Variants in ADGRG6 observed in about 807,000 individuals in gnomAD.
ADGRG6 encodes the protein adhesion G protein-coupled receptor G6, also known as G-protein coupled receptor 126.
ADGRG6 carries 84 observed loss-of-function variants against 142.4 expected under a neutral mutation model. The observed-to-expected ratio is 0.59, with a 90% CI of 0.49 to 0.71. The LOEUF (loss-of-function observed/expected upper bound fraction) is 0.71, where lower values mean the gene tolerates loss of function less well. Ranked by LOEUF, ADGRG6 falls within the 30% of genes least tolerant of loss-of-function variation. The pLI, the probability that ADGRG6 is intolerant of heterozygous loss-of-function variation, is 0.00. For missense variants in ADGRG6, 1,367 were observed against 1,466.6 expected (o/e 0.93, Z 1.11); for synonymous variants, 521 against 520.5 (o/e 1.00, Z -0.01).
At chr6:142,435,449 A>G (rs1582691009) in intron 22 of ADGRG6, among the ~76,000 whole-genome samples, 1 of 152,100 alleles carries the variant, frequency 6.6e-6, no homozygotes, top group East Asian at 1.9e-4. Context: ...TTTTCCTTAA[A>G]TATGTTTTCT....
Position 142,402,737 on chromosome 6 carries a change from A to T in ADGRG6, c.1862A>T (p.Glu621Val), listed in dbSNP as rs763739669. 1 of 1,600,282 alleles carries T rather than the reference A, an allele frequency of 6.2e-7. No individual in the cohort carries two copies. The highest frequency in any genetic ancestry group is 1.1e-5 in the South Asian group (1 of 90,750). ...EQVKRIVNKE[E>V]NIDITLGSTL... Reference sequence around the variant, plus strand: ...GTCAAAAGAATTGTGAATAAAGAAGAAAACATTGATATAACACTTGGCTCA... The same window carrying T: ...GTCAAAAGAATTGTGAATAAAGAAGTAAACATTGATATAACACTTGGCTCA... The change falls in exon 13 of 25, where the codon GAA (glutamate) becomes GTA (valine). Residue 621 changes from glutamate (E) to valine (V), a missense_variant. Glu to Val is a moderately radical substitution (Grantham distance 121, BLOSUM62 -2). This residue lies in a region of ADGRG6 where 737 missense variants were observed against 746.5 expected (regional missense o/e 0.99). Coordinates refer to ENST00000367609, the MANE Select transcript of ADGRG6 (RefSeq NM_198569.3).
intron 22 of ADGRG6, among the ~76,000 whole-genome samples, chr6:142,424,713 T>G (rs1226948176): frequency 6.6e-6 from 1 of 152,104 alleles, no homozygotes; most frequent in East Asian, 1.9e-4. Flanking sequence ...ATTCCCTCTT[T>G]TTCTATTGAT....
chr6:142,376,487 C>T (rs1276360553), intron 4 of ADGRG6, among the ~76,000 whole-genome samples: 1 of 152,078 alleles, frequency 6.6e-6, no homozygotes, highest in African/African-American at 2.4e-5. Context: ...ATTTTTGTTT[C>T]CCTCTCTAGG....
At chr6:142,345,620 T>C (rs572341563) in intron 2 of ADGRG6, among the ~76,000 whole-genome samples, 3 of 152,270 alleles carry the variant, frequency 2.0e-5, no homozygotes, top group East Asian at 1.9e-4. Context: ...CCTAACAGCA[T>C]GTAGTGAATA....
rs371657476 is a variant in ADGRG6, at chr6:142,437,428, T to C, written c.3320-6T>C. On this transcript the variant is annotated splice_region_variant and splice_polypyrimidine_tract_variant and intron_variant, in intron 22 of 24. Coordinates refer to ENST00000367609, the MANE Select transcript of ADGRG6 (RefSeq NM_198569.3). ...GCTTAAATATTTATATTTTCTTTTG[T>C]CACAGGCTTATTTATATTCATCTTC... 2.2e-6 allele frequency: 3 copies of C among 1,355,974 alleles called. No individual in the cohort carries two copies. In the African/African-American group the frequency reaches 4.3e-5, roughly 19 times the overall value. The allele number at this position is 1,355,974 out of a possible 1,614,324, so 84.0% of individuals were successfully genotyped here.
Position 142,405,775 on chromosome 6 carries a change from G to GTATTA in ADGRG6, c.2216_2220dup (p.Val741TyrfsTer2). 6.2e-7 allele frequency: 1 copy of GTATTA among 1,607,132 alleles called. No homozygotes were observed. The highest frequency in any genetic ancestry group is 8.5e-7 in the Non-Finnish European group (1 of 1,174,782). ...TGAGAATTTAAGTCCAGAAGATTCT[G>GTATTA]TATTAGTTAGAAGAGCACAGTTTAC... On this transcript the variant is annotated frameshift_variant, in exon 15 of 25. Transcript: ENST00000367609. LOFTEE classifies it high-confidence loss of function.
At chr6:142,316,985 A>G (rs1186904477) in intron 2 of ADGRG6, among the ~76,000 whole-genome samples, 1 of 152,114 alleles carries the variant, frequency 6.6e-6, no homozygotes, top group Non-Finnish European at 1.5e-5. Flanking sequence ...TTAGAATGGT[A>G]ACCTGAAAAT....
At chr6:142,412,565 G>A (rs944543068) in intron 18 of ADGRG6, among the ~76,000 whole-genome samples, 6 of 152,056 alleles carry the variant, frequency 3.9e-5, no homozygotes, top group Non-Finnish European at 8.8e-5. Context: ...CAGAATAAGA[G>A]CAAGTCATTT....
In ADGRG6 at chr6:142,445,301, G is replaced by A. The variant is rs1777927481; in HGVS notation, c.*1786G>A. On this transcript the variant is annotated 3_prime_UTR_variant, in exon 25 of 25. Coordinates refer to ENST00000367609, the MANE Select transcript of ADGRG6 (RefSeq NM_198569.3). ...ATTCTAAGTAAGATAGTAAATCTAA[G>A]GTCACTGAGCCAAATCCTTTTCAAT... 6.6e-6 allele frequency: 1 copy of A among 152,120 alleles called. No individual in the cohort carries two copies. Among genetic ancestry groups the A allele is most frequent in the Non-Finnish European group, 1.5e-5 (1 of 68,010 alleles). 9.4% of individuals were successfully genotyped at this position (152,120 alleles called of 1,614,324 possible).
intron 2 of ADGRG6, among the ~76,000 whole-genome samples, chr6:142,358,417 T>C (rs915744968): frequency 6.6e-6 from 1 of 152,226 alleles, no homozygotes; most frequent in African/African-American, 2.4e-5. Context: ...TTCAGTGAAT[T>C]CAGTCCTTGT....
chr6:142,439,548 G>A (rs1253497917), intron 24 of ADGRG6, among the ~76,000 whole-genome samples: 1 of 152,108 alleles, frequency 6.6e-6, no homozygotes, highest in African/African-American at 2.4e-5. Flanking sequence ...TTGCCACTGG[G>A]GTGGCCACTG....
chr6:142,433,618 G>A (rs1243291473), intron 22 of ADGRG6, among the ~76,000 whole-genome samples: 2 of 152,166 alleles, frequency 1.3e-5, no homozygotes, highest in Non-Finnish European at 2.9e-5. Context: ...GTAATGCCCT[G>A]ACACAGGCCA....
intron 2 of ADGRG6, among the ~76,000 whole-genome samples, chr6:142,351,970 C>T (rs768417359): frequency 3.5e-4 from 53 of 152,138 alleles, no homozygotes; most frequent in Non-Finnish European, 5.9e-4. Context: ...ACAACAGATG[C>T]TAGTGAGTTT....
chr6:142,441,805 A>G (rs900067165), intron 24 of ADGRG6, among the ~76,000 whole-genome samples: 1 of 152,202 alleles, frequency 6.6e-6, no homozygotes, highest in Admixed American at 6.6e-5. Context: ...CTCAGAATCA[A>G]TCAGCTTGCT....
At chr6:142,311,084 T>G (rs969488458) in intron 2 of ADGRG6, among the ~76,000 whole-genome samples, 2 of 151,878 alleles carry the variant, frequency 1.3e-5, no homozygotes. Flanking sequence ...ATCATTTGAA[T>G]AAATGAAGCA....
chr6:142,302,334 A>G lies in ADGRG6; in HGVS notation c.2+3A>G, dbSNP rs1333268323. 1 of 1,612,576 alleles carries G rather than the reference A, an allele frequency of 6.2e-7. No individual in the cohort carries two copies. The highest frequency in any genetic ancestry group is 8.5e-7 in the Non-Finnish European group (1 of 1,179,350). On this transcript the variant is annotated splice_donor_region_variant and intron_variant, in intron 1 of 24. Transcript: ENST00000367609. The stretch of plus-strand genomic sequence containing the variant: ...CCTCGGCGCAGTAATGTCAACATGT[A>G]AGTCTCACCTTTCAGCTTGGAATTC...
intron 22 of ADGRG6, among the ~76,000 whole-genome samples, chr6:142,431,662 C>T (rs1377922159): frequency 2.0e-5 from 3 of 152,056 alleles, no homozygotes; most frequent in South Asian, 2.1e-4. Context: ...CGGTGGCTCA[C>T]GCATGTAATC....
At chr6:142,371,054 T>C in intron 4 of ADGRG6, 1 of 398,682 alleles carries the variant, frequency 2.5e-6, no homozygotes, top group South Asian at 3.6e-5. Flanking sequence ...TTTCCCTATG[T>C]CATAAAATAT....
intron 6 of ADGRG6, among the ~76,000 whole-genome samples, chr6:142,387,453 T>C (rs1782087864): frequency 6.6e-6 from 1 of 152,212 alleles, no homozygotes. Context: ...GATCCATTAC[T>C]CTAGCTTTTT....
Sources: gnomAD v4.1 joint callset for allele counts (sites outside exome capture counted in the v4.1 genomes callset) on GRCh38, gnomAD v4.1.1 for gene constraint, gnomAD v4.1.1 regional missense constraint, MANE v1.5 for transcripts, NCBI Gene and HGNC (gene_info 2026-07-23, HGNC 2026-07-21) for gene names.